Variants in CAMK2D observed in about 807,000 individuals in gnomAD.
CAMK2D encodes the protein calcium/calmodulin dependent protein kinase II delta.
Under a neutral mutation model 84.0 loss-of-function variants are expected in CAMK2D, and 37 were observed. The observed-to-expected ratio is 0.44, with a 90% CI of 0.34 to 0.58. The LOEUF (loss-of-function observed/expected upper bound fraction) is 0.58. CAMK2D is among the 20% of genes least tolerant of loss of function. The pLI, the probability that CAMK2D is intolerant of heterozygous loss-of-function variation, is 0.02. For synonymous variants in CAMK2D, 202 were observed against 212.5 expected, an observed-to-expected ratio of 0.95 and a Z score of 0.43; for missense variants, 448 against 652.5, an observed-to-expected ratio of 0.69 and a Z score of 3.41.
intron 2 of CAMK2D, among the ~76,000 whole-genome samples, chr4:113,663,006 A>G (rs1300583770): frequency 1.3e-5 from 2 of 152,210 alleles, no homozygotes; most frequent in Non-Finnish European, 2.9e-5. Context: ...CAGTGTCTTA[A>G]TAAATCAGCC....
intron 16 of CAMK2D, among the ~76,000 whole-genome samples, chr4:113,469,359 T>C (rs2097519230): frequency 6.6e-6 from 1 of 152,212 alleles, no homozygotes. Flanking sequence ...CCCACCTTCT[T>C]GTCTTGGAAC....
chr4:113,539,462 T>C (rs753210929), intron 6 of CAMK2D, among the ~76,000 whole-genome samples: 8 of 152,240 alleles, frequency 5.3e-5, no homozygotes, highest in Non-Finnish European at 1.0e-4. Context: ...TTTTAAAAAA[T>C]TGAGTGTGTT....
chr4:113,672,604 T>C (rs1006433597), intron 2 of CAMK2D, among the ~76,000 whole-genome samples: 4 of 152,024 alleles, frequency 2.6e-5, no homozygotes, highest in African/African-American at 7.2e-5. Context: ...TTATCATTGA[T>C]TGAACTACAA....
At chr4:113,663,311 C>A (rs2099242807) in intron 2 of CAMK2D, among the ~76,000 whole-genome samples, 1 of 152,106 alleles carries the variant, frequency 6.6e-6, no homozygotes, top group Non-Finnish European at 1.5e-5. Context: ...AGAGGCTGGG[C>A]ACAGTAGCTC....
intron 5 of CAMK2D, 95 bp from the exon 6 acceptor site, chr4:113,547,811 A>G: frequency 1.4e-6 from 1 of 692,620 alleles, no homozygotes; most frequent in Non-Finnish European, 2.3e-6. Context: ...CAGAGCTAGC[A>G]GACAACTGGG....
chr4:113,716,831 T>C (rs2099515196), intron 2 of CAMK2D, among the ~76,000 whole-genome samples: 1 of 152,128 alleles, frequency 6.6e-6, no homozygotes, highest in Admixed American at 6.6e-5. Flanking sequence ...TTTATGTGTT[T>C]CTAAAACTGA....
intron 2 of CAMK2D, among the ~76,000 whole-genome samples, chr4:113,756,440 A>G (rs2099628760): frequency 6.6e-6 from 1 of 152,024 alleles, no homozygotes; most frequent in Non-Finnish European, 1.5e-5. Flanking sequence ...CAAAAAAAGT[A>G]TGCTCCACAA....
At chr4:113,471,731 GCCTCTCTCACT>G (rs921506510) in intron 16 of CAMK2D, among the ~76,000 whole-genome samples, 4 of 151,876 alleles carry the variant, frequency 2.6e-5, no homozygotes, top group Admixed American at 6.6e-5. Flanking sequence ...TCCCACACCG[GCCTCTCTCACT>G]CCTCACTGTT....
intron 8 of CAMK2D, among the ~76,000 whole-genome samples, chr4:113,530,236 A>C (rs1473909883): frequency 6.6e-6 from 1 of 152,190 alleles, no homozygotes; most frequent in Non-Finnish European, 1.5e-5. Flanking sequence ...TGGGGATGAG[A>C]CCCATGTCTA....
intron 2 of CAMK2D, among the ~76,000 whole-genome samples, chr4:113,742,163 A>G (rs1042607090): frequency 6.6e-6 from 1 of 152,214 alleles, no homozygotes; most frequent in African/African-American, 2.4e-5. Flanking sequence ...TGTTAAATAG[A>G]TGAGTAAATG....
At chr4:113,480,661 T>A (rs1276435346) in intron 16 of CAMK2D, among the ~76,000 whole-genome samples, 1 of 152,054 alleles carries the variant, frequency 6.6e-6, no homozygotes, top group Non-Finnish European at 1.5e-5. Flanking sequence ...GCAAACATGG[T>A]GAAACCTTGT....
intron 4 of CAMK2D, among the ~76,000 whole-genome samples, chr4:113,568,196 A>G (rs1409515063): frequency 6.6e-6 from 1 of 152,212 alleles, no homozygotes; most frequent in African/African-American, 2.4e-5. Flanking sequence ...ACTCCTGGTC[A>G]TTCCAAACAG....
intron 4 of CAMK2D, among the ~76,000 whole-genome samples, chr4:113,581,923 A>G (rs1000061297): frequency 6.6e-6 from 1 of 152,200 alleles, no homozygotes; most frequent in African/African-American, 2.4e-5. Flanking sequence ...CTAGAATATC[A>G]TCAAGGTACT....
rs182440287 is a variant in CAMK2D at position 113,518,539 on chromosome 4, G to A, written c.602-882C>T. 1.1e-3 allele frequency among the ~76,000 whole-genome samples: 167 copies of A among 152,184 alleles called. 1 individual carries two copies. The highest frequency in any genetic ancestry group is 3.7e-3 in the African/African-American group (152 of 41,520). On this transcript the variant is annotated intron_variant, in intron 8 of 20. Transcript: ENST00000511664. ...AAATATCTCTCCTGCCACTTTTCAC[G>A]TATTTTATTGCCTTGCTTAAGGCCT...
At chr4:113,736,358 T>C (rs113497490) in intron 2 of CAMK2D, among the ~76,000 whole-genome samples, 2 of 152,170 alleles carry the variant, frequency 1.3e-5, no homozygotes, top group African/African-American at 4.8e-5. Flanking sequence ...CTTCAACTAG[T>C]TAACCCCAGA....
intron 2 of CAMK2D, among the ~76,000 whole-genome samples, chr4:113,674,419 A>G (rs6821004): frequency 0.24 from 36,721 of 152,102 alleles, 5,464 homozygotes; most frequent in African/African-American, 0.43. Context: ...TTTAGAACAC[A>G]CATTTGGCAT....
At chr4:113,707,104 T>C (rs973496897) in intron 2 of CAMK2D, among the ~76,000 whole-genome samples, 1 of 152,144 alleles carries the variant, frequency 6.6e-6, no homozygotes, top group African/African-American at 2.4e-5. Flanking sequence ...TGAAATATGA[T>C]AGCGAGCCAC....
intron 16 of CAMK2D, among the ~76,000 whole-genome samples, chr4:113,497,918 T>G (rs1279842403): frequency 1.3e-5 from 2 of 152,208 alleles, no homozygotes; most frequent in African/African-American, 4.8e-5. Context: ...TCAAAAAGTG[T>G]GGTGTCTCAC....
intron 4 of CAMK2D, among the ~76,000 whole-genome samples, chr4:113,600,915 A>C (rs1447265335): frequency 6.6e-6 from 1 of 152,214 alleles, no homozygotes; most frequent in Non-Finnish European, 1.5e-5. Context: ...GGTTACAAGC[A>C]TGAGCCACAG....
Sources: gnomAD v4.1 joint callset for allele counts (sites outside exome capture counted in the v4.1 genomes callset) on GRCh38, gnomAD v4.1.1 for gene constraint, MANE v1.5 for transcripts, NCBI Gene and HGNC (gene_info 2026-07-23, HGNC 2026-07-21) for gene names.